Variants in POLR2B observed in about 807,000 individuals in gnomAD.
POLR2B encodes the protein RNA polymerase II subunit B.
POLR2B carries 57 observed loss-of-function variants against 144.6 expected under a neutral mutation model. The ratio of observed to expected loss-of-function variants is 0.39; its 90% CI spans 0.32 to 0.49. The LOEUF is 0.49. Ranked by LOEUF, POLR2B falls within the 20% of genes least tolerant of loss-of-function variation. The pLI, the probability that POLR2B is intolerant of heterozygous loss-of-function variation, is 0.83. For missense variants in POLR2B, 595 were observed against 1,467.4 expected, an observed-to-expected ratio of 0.41 and a Z score of 9.71; for synonymous variants, 442 against 469.8, an observed-to-expected ratio of 0.94 and a Z score of 0.77.
chr4:57,015,772 A>T (rs918741372), intron 14 of POLR2B, 116 bp downstream of exon 14: 25 of 299,484 alleles, frequency 8.3e-5, no homozygotes, highest in Non-Finnish European at 1.0e-4. Context: ...TTATTTATTT[A>T]TTTTTTTGAC....
chr4:57,020,356 T>C (rs1006638747), intron 16 of POLR2B, among the ~76,000 whole-genome samples: 2 of 152,136 alleles, frequency 1.3e-5, no homozygotes, highest in Non-Finnish European at 2.9e-5. Context: ...TTTTATGGGC[T>C]CATCAAACAA....
Position 57,010,468 on chromosome 4 carries a change from G to A in POLR2B, c.1512G>A (p.Thr504=), listed in dbSNP as rs754592973. The A allele has an allele frequency of 1.1e-5, 17 of 1,613,892 alleles. No individual in the cohort carries two copies. The African/African-American group carries it at 1.2e-4, about 11-fold the overall frequency. Residue 504 remains threonine (T), a synonymous_variant, in exon 11 of 25, where the codon ACG becomes ACA. Transcript: ENST00000314595. ...KLAKPRQLHN[T]LWGMVCPAET... ...CAAAACCAAGACAGTTGCATAATAC[G>A]TTGTGGGGAATGGTGTGTCCTGCCG...
chr4:57,004,295 C>T (rs920952411), intron 7 of POLR2B, among the ~76,000 whole-genome samples: 6 of 151,836 alleles, frequency 4.0e-5, no homozygotes, highest in South Asian at 4.1e-4. Flanking sequence ...GTGATCTGCC[C>T]GCCTTGGCCT....
At chr4:57,016,579 CCT>C (rs1285964764) in intron 14 of POLR2B, among the ~76,000 whole-genome samples, 2 of 150,514 alleles carry the variant, frequency 1.3e-5, no homozygotes, top group African/African-American at 2.4e-5. Flanking sequence ...TGCGAAATAA[CCT>C]ATATAATCTA....
intron 2 of POLR2B, chr4:56,986,697 A>G (rs1422258208): frequency 1.3e-5 from 3 of 233,084 alleles, no homozygotes; most frequent in Non-Finnish European, 2.4e-5. Flanking sequence ...ATGTGAGAGT[A>G]ACTTGCAGAT....
chr4:56,983,631 A>G (rs1433155645), intron 1 of POLR2B, among the ~76,000 whole-genome samples: 2 of 151,956 alleles, frequency 1.3e-5, no homozygotes, highest in Non-Finnish European at 2.9e-5. Context: ...TGGGTTCCCA[A>G]ACTGCTGGGA....
Position 56,992,645 on chromosome 4 carries a change from C to T in POLR2B, c.243+1747C>T, listed in dbSNP as rs538752378. On this transcript the variant is annotated intron_variant, in intron 3 of 24. Transcript: ENST00000314595. ...CGCGATCTCGGCTCACTGCAGGCTC[C>T]GCCTTCCGGGTTCACGCCATTCTCC... 1.1e-4 allele frequency among the ~76,000 whole-genome samples: 17 copies of T among 149,116 alleles called. 1 individual carries two copies. The South Asian group carries it at 2.2e-3, about 19-fold the overall frequency.
chr4:56,995,162 C>A, intron 5 of POLR2B, 89 bp from the exon 6 acceptor site: 1 of 918,266 alleles, frequency 1.1e-6, no homozygotes, highest in Non-Finnish European at 1.6e-6. Flanking sequence ...CCTATATGGT[C>A]AGATTAAATT....
Position 56,978,994 on chromosome 4 carries a change from C to T in POLR2B, c.9C>T (p.Asp3=), listed in dbSNP as rs1722066000. The T allele has an allele frequency of 6.2e-7, 1 of 1,613,626 alleles. No individual in the cohort carries two copies. Among genetic ancestry groups the T allele is most frequent in the Non-Finnish European group, 8.5e-7 (1 of 1,179,854 alleles). Residue 3 remains aspartate, a synonymous_variant, in exon 1 of 25, where the codon GAC becomes GAT. Transcript: ENST00000314595. ...GAGAACCGTTTGGCAATATGTACGACGCGGATGAGGGTAGGTGAACGCTCA... is the reference window on the plus strand; with the variant it reads ...GAGAACCGTTTGGCAATATGTACGATGCGGATGAGGGTAGGTGAACGCTCA... The part of the protein sequence containing the change: MY[D]ADEDMQYDED...
intron 1 of POLR2B, among the ~76,000 whole-genome samples, chr4:56,983,351 A>G (rs1176205249): frequency 1.4e-5 from 2 of 145,188 alleles, no homozygotes; most frequent in African/African-American, 5.1e-5. Context: ...TGTTTATAAC[A>G]CGAGATCTCT....
chr4:56,996,236 G>GTGTGTGTGTGTGTGTGTGTA (rs1291577789), intron 6 of POLR2B, among the ~76,000 whole-genome samples: 11 of 136,206 alleles, frequency 8.1e-5, no homozygotes, highest in Admixed American at 2.3e-4. Flanking sequence ...GTGTGTGTGT[G>GTGTGTGTGTGTGTGTGTGTA]TGTATGTATA....
intron 6 of POLR2B, among the ~76,000 whole-genome samples, chr4:56,998,731 A>ATTGAT (rs1722765112): frequency 6.6e-6 from 1 of 152,210 alleles, no homozygotes; most frequent in Admixed American, 6.5e-5. Context: ...AAATGGAATA[A>ATTGAT]TTGATGTCCA....
At chr4:57,000,972 A>G (rs1373930009) in intron 7 of POLR2B, among the ~76,000 whole-genome samples, 2 of 152,180 alleles carry the variant, frequency 1.3e-5, no homozygotes, top group Non-Finnish European at 2.9e-5. Context: ...ATAGGATTAC[A>G]ACAATACTGT....
rs1009740962 is a variant in POLR2B at position 57,017,431 on chromosome 4, G to T, written c.2155-129G>T. ...GAGCCGTAATTGATTATTCCAAATG[G>T]TTATTACTTACTGTTTTTGAAAAAA... is the stretch of plus-strand genomic sequence containing the variant. On this transcript the variant is annotated intron_variant, in intron 15 of 24. Transcript: ENST00000314595. This position sits in a 1 kb window ranked among gnomAD's most constrained non-coding sequence, Gnocchi z 4.8. The T allele has an allele frequency of 6.1e-6, 5 of 821,752 alleles. No individual in the cohort carries two copies. The highest frequency in any genetic ancestry group is 9.6e-6 in the Non-Finnish European group (5 of 523,362). The allele number at this position is 821,752 out of a possible 1,614,324, so 50.9% of individuals were successfully genotyped here. A position where few individuals can be genotyped will look rare whatever the true frequency, so the allele number is the denominator to read the frequency against.
chr4:57,019,353 A>T (rs1049706796), intron 16 of POLR2B, among the ~76,000 whole-genome samples: 1 of 151,936 alleles, frequency 6.6e-6, no homozygotes, highest in African/African-American at 2.4e-5. Flanking sequence ...TGACTTCATC[A>T]TGGCATCTTT....
Position 57,031,111 on chromosome 4 carries a change from A to G in POLR2B, c.*123A>G. 2 of 728,962 alleles carry G rather than the reference A, an allele frequency of 2.7e-6. No homozygotes were observed. Among genetic ancestry groups the G allele is most frequent in the East Asian group, 2.6e-5 (1 of 38,462 alleles). The allele number at this position is 728,962 out of a possible 1,614,324, so 45.2% of individuals were successfully genotyped here. A position where few individuals can be genotyped will look rare whatever the true frequency, so the allele number is the denominator to read the frequency against. ...AAAAGTATTTTATTTGTTTAATGAT[A>G]TGCATGCTTTTCTTCTGTAAATATA... is the stretch of plus-strand genomic sequence containing the variant. On this transcript the variant is annotated 3_prime_UTR_variant, in exon 25 of 25. Transcript: ENST00000314595.
At chr4:56,997,869 G>A (rs1428552231) in intron 6 of POLR2B, among the ~76,000 whole-genome samples, 1 of 152,184 alleles carries the variant, frequency 6.6e-6, no homozygotes, top group Admixed American at 6.5e-5. Context: ...GTGGAATGGG[G>A]CCCAGGTACA....
At chr4:57,019,123 C>T (rs933194172) in intron 16 of POLR2B, among the ~76,000 whole-genome samples, 4 of 152,162 alleles carry the variant, frequency 2.6e-5, no homozygotes, top group African/African-American at 9.7e-5. Flanking sequence ...TTCCTCTTGT[C>T]TAGAAAAGCA....
At chr4:56,992,451 C>G (rs1439629796) in intron 3 of POLR2B, among the ~76,000 whole-genome samples, 2 of 85,606 alleles carry the variant, frequency 2.3e-5, no homozygotes, top group Non-Finnish European at 4.0e-5. Context: ...GGCGAGAGGT[C>G]GAGACTCTGT....
Sources: allele counts gnomAD v4.1 joint callset (sites outside exome capture counted in the v4.1 genomes callset), GRCh38; gene constraint gnomAD v4.1.1; non-coding constraint Gnocchi (gnomAD v3.1); transcripts MANE v1.5; gene names NCBI Gene and HGNC (gene_info 2026-07-23, HGNC 2026-07-21).